DNAAF5: variants seen among roughly 807,000 people sequenced by gnomAD.
DNAAF5 encodes dynein axonemal assembly factor 5.
DNAAF5 carries 64 observed loss-of-function variants against 75.8 expected under a neutral mutation model. That is an observed-to-expected ratio of 0.84 (90% CI 0.69 to 1.04). DNAAF5 has a LOEUF of 1.04. DNAAF5 is among the 50% of genes least tolerant of loss of function. The pLI is 0.00. For missense variants in DNAAF5, 1,269 were observed against 1,178.5 expected, an observed-to-expected ratio of 1.08 and a Z score of -1.12; for synonymous variants, 657 against 557.2, an observed-to-expected ratio of 1.18 and a Z score of -2.52.
At chr7:762,258 G>C (rs1782681240) in intron 7 of DNAAF5, among the ~76,000 whole-genome samples, 2 of 152,174 alleles carry the variant, frequency 1.3e-5, no homozygotes, top group Non-Finnish European at 2.9e-5. Flanking sequence ...GGCCGAGGTG[G>C]GCGGATCACC....
intron 2 of DNAAF5, among the ~76,000 whole-genome samples, chr7:739,010 G>A (rs558526681): frequency 7.9e-5 from 12 of 152,302 alleles, no homozygotes; most frequent in East Asian, 1.9e-4. Flanking sequence ...GGCCCTGGAC[G>A]CCTGCCCATC....
chr7:773,909 G>A lies in DNAAF5; in HGVS notation c.1932-139G>A, dbSNP rs190066445. Reference sequence around the variant, plus strand: ...TCGCACTGAGAAGCAGCTCCTGAGAGGAGGAGGGGCCTCGTGTTTTGGGGT... The same window carrying A: ...TCGCACTGAGAAGCAGCTCCTGAGAAGAGGAGGGGCCTCGTGTTTTGGGGT... On this transcript the variant is annotated intron_variant, in intron 9 of 12. Coordinates refer to ENST00000297440, the MANE Select transcript of DNAAF5 (RefSeq NM_017802.4). 8 of 918,214 alleles carry A rather than the reference G, an allele frequency of 8.7e-6. No homozygotes were observed. In the Admixed American group the frequency reaches 1.1e-4, roughly 13 times the overall value. The allele number at this position is 918,214 out of a possible 1,614,324, so 56.9% of individuals were successfully genotyped here. A position where few individuals can be genotyped will look rare whatever the true frequency, so the allele number is the denominator to read the frequency against.
rs377210150 is a variant in DNAAF5 at position 740,947 on chromosome 7, C to G, written c.905+4C>G. 1.2e-6 allele frequency: 2 copies of G among 1,612,246 alleles called. No individual in the cohort carries two copies. Among genetic ancestry groups the G allele is most frequent in the South Asian group, 1.1e-5 (1 of 91,076 alleles). ...ACGACGAGGTGCCTGAGGTCAGGTA[C>G]GTGGGCAGGCGGCCGCGGGCCTTGT... On this transcript the variant is annotated splice_donor_region_variant and intron_variant, in intron 3 of 12. Transcript: ENST00000297440.
intron 12 of DNAAF5, among the ~76,000 whole-genome samples, chr7:784,674 A>G (rs976721985): frequency 1.3e-5 from 2 of 152,108 alleles, no homozygotes; most frequent in African/African-American, 4.8e-5. Flanking sequence ...GCATGGGTTC[A>G]TTTCCGGCTG....
intron 6 of DNAAF5, among the ~76,000 whole-genome samples, chr7:760,597 C>T (rs1398459625): frequency 2.6e-5 from 4 of 152,204 alleles, no homozygotes; most frequent in Admixed American, 2.6e-4. Flanking sequence ...CTGCAGTTAG[C>T]CACGATTGCA....
intron 4 of DNAAF5, among the ~76,000 whole-genome samples, chr7:747,089 A>C (rs1020026746): frequency 3.3e-5 from 5 of 152,226 alleles, no homozygotes; most frequent in African/African-American, 1.2e-4. Context: ...AGCTGATGTA[A>C]ACACTTGCAG....
intron 12 of DNAAF5, among the ~76,000 whole-genome samples, chr7:783,678 C>T (rs916663305): frequency 2.0e-5 from 3 of 152,198 alleles, no homozygotes; most frequent in Non-Finnish European, 4.4e-5. Context: ...GTGCAGGCCT[C>T]GCTGGGACAG....
chr7:744,498 T>C (rs1464820439), intron 4 of DNAAF5, among the ~76,000 whole-genome samples: 3 of 152,120 alleles, frequency 2.0e-5, no homozygotes, highest in Admixed American at 2.0e-4. Flanking sequence ...GCGAAGGACA[T>C]GAACAGACAC....
chr7:760,532 C>T (rs145494470), intron 6 of DNAAF5, among the ~76,000 whole-genome samples: 38 of 152,286 alleles, frequency 2.5e-4, no homozygotes, highest in African/African-American at 8.4e-4. Flanking sequence ...TATCTATGAT[C>T]CCAGCACTTT....
In DNAAF5 at chr7:754,524, G is replaced by A. The variant is rs891983773; in HGVS notation, c.1025-65G>A. The A allele has an allele frequency of 1.3e-5, 18 of 1,342,524 alleles. No individual in the cohort carries two copies. The highest frequency in any genetic ancestry group is 7.3e-5 in the South Asian group (6 of 82,752). The allele number at this position is 1,342,524 out of a possible 1,614,324, so 83.2% of individuals were successfully genotyped here. On this transcript the variant is annotated intron_variant, in intron 4 of 12. Transcript: ENST00000297440. This position sits in a 1 kb window ranked among gnomAD's most constrained non-coding sequence, Gnocchi z 4.8. ...CAGGTGTCCCTTAAATGTGATGTGC[G>A]GTAACTTGAGTTGTTGAGGTTTTGC...
intron 8 of DNAAF5, among the ~76,000 whole-genome samples, chr7:769,884 CAGGT>C (rs1778494851): frequency 6.6e-6 from 1 of 152,064 alleles, no homozygotes; most frequent in Non-Finnish European, 1.5e-5. Context: ...CAGGTGACCT[CAGGT>C]CACCCATCTT....
chr7:773,963 C>T (rs1390629558), intron 9 of DNAAF5, 85 bp from the exon 10 acceptor site: 2 of 1,518,864 alleles, frequency 1.3e-6, no homozygotes, highest in East Asian at 2.3e-5. Flanking sequence ...TGGCTCCCCC[C>T]TCAGCCCCAT....
intron 12 of DNAAF5, among the ~76,000 whole-genome samples, chr7:782,870 C>T (rs1007747782): frequency 3.3e-5 from 5 of 152,040 alleles, no homozygotes; most frequent in Admixed American, 1.3e-4. Context: ...CTGGCGTGGC[C>T]GCGTCCCCTC....
chr7:746,279 C>G (rs1162080401), intron 4 of DNAAF5, among the ~76,000 whole-genome samples: 1 of 138,438 alleles, frequency 7.2e-6, no homozygotes, highest in Non-Finnish European at 1.6e-5. Context: ...TTGCCCCCCC[C>G]TGCCCGCTGG....
chr7:734,357 G>A (rs1024868386), intron 2 of DNAAF5, among the ~76,000 whole-genome samples: 12 of 152,304 alleles, frequency 7.9e-5, no homozygotes, highest in Middle Eastern at 3.4e-3. Flanking sequence ...AAATAATCAC[G>A]TAGTTCTTGT....
rs1781884886 is a variant in DNAAF5 at position 740,866 on chromosome 7, G to A, written c.828G>A (p.Leu276=). The part of the protein sequence containing the change: ...ASVVGGWLLC[L]RDRYSFFHKL... Reference sequence around the variant, plus strand: ...TGGTGGGCGGCTGGCTGCTGTGTCTGCGTGACCGTTACTCCTTCTTCCACA... The same window carrying A: ...TGGTGGGCGGCTGGCTGCTGTGTCTACGTGACCGTTACTCCTTCTTCCACA... Residue 276 remains leucine, a synonymous_variant, in exon 3 of 13, where the codon CTG becomes CTA. Coordinates refer to ENST00000297440, the MANE Select transcript of DNAAF5 (RefSeq NM_017802.4). The A allele has an allele frequency of 1.2e-6, 2 of 1,613,960 alleles. No homozygotes were observed. The highest frequency in any genetic ancestry group is 1.3e-5 in the African/African-American group (1 of 74,934).
At chr7:777,952 A>G (rs887714194) in intron 11 of DNAAF5, among the ~76,000 whole-genome samples, 9 of 152,222 alleles carry the variant, frequency 5.9e-5, no homozygotes, top group African/African-American at 1.9e-4. Context: ...GCTTTTCTGA[A>G]TCCCAGGAGA....
intron 2 of DNAAF5, among the ~76,000 whole-genome samples, chr7:734,958 GTTC>G (rs1179254004): frequency 1.3e-5 from 2 of 152,056 alleles, no homozygotes; most frequent in African/African-American, 2.4e-5. Context: ...TCATAGTGTT[GTTC>G]TTCATGGTAT....
At chr7:744,364 A>G (rs1782016744) in intron 4 of DNAAF5, among the ~76,000 whole-genome samples, 1 of 152,164 alleles carries the variant, frequency 6.6e-6, no homozygotes, top group African/African-American at 2.4e-5. Flanking sequence ...GTTGGTTCCA[A>G]GTCTTTGCTA....
Sources: gnomAD v4.1 joint callset for allele counts (sites outside exome capture counted in the v4.1 genomes callset) on GRCh38, gnomAD v4.1.1 for gene constraint, Gnocchi (gnomAD v3.1) non-coding constraint, MANE v1.5 for transcripts, NCBI Gene and HGNC (gene_info 2026-07-23, HGNC 2026-07-21) for gene names.